PBX1: variants seen among roughly 807,000 people sequenced by gnomAD.
PBX1 encodes the protein pre-B-cell leukemia transcription factor 1.
Under a neutral mutation model 53.4 loss-of-function variants are expected in PBX1, and 6 were observed. That is an observed-to-expected ratio of 0.11 (90% CI 0.06 to 0.22). The LOEUF (loss-of-function observed/expected upper bound fraction) is 0.22. PBX1 is among the 10% of genes least tolerant of loss of function. The pLI, the probability that PBX1 is intolerant of heterozygous loss-of-function variation, is 1.00. For synonymous variants in PBX1, 204 were observed against 212.3 expected (o/e 0.96, Z 0.34); for missense variants, 251 against 551.4 (o/e 0.46, Z 5.46).
chr1:164,884,440 G>T, intron 2 of PBX1: 1 of 352,070 alleles, frequency 2.8e-6, no homozygotes, highest in Non-Finnish European at 5.6e-6. Context: ...AATAAAAACT[G>T]AAATCGGTCA....
intron 2 of PBX1, among the ~76,000 whole-genome samples, chr1:164,663,406 T>C (rs965077364): frequency 3.9e-5 from 6 of 152,118 alleles, no homozygotes; most frequent in Admixed American, 2.0e-4. Context: ...CTTAGTAGGA[T>C]TGCTTCTCCC....
intron 2 of PBX1, among the ~76,000 whole-genome samples, chr1:164,618,028 C>T (rs1195173571): frequency 2.0e-5 from 3 of 152,174 alleles, no homozygotes. Flanking sequence ...GCCTATGCTG[C>T]CTCCCAGTGG....
At chr1:164,881,385 GAA>G (rs1375340875) in intron 2 of PBX1, among the ~76,000 whole-genome samples, 2 of 28,290 alleles carry the variant, frequency 7.1e-5, no homozygotes, top group Admixed American at 1.1e-3. Context: ...AGGAAGGAAG[GAA>G]GGAAGGAAGG....
At chr1:164,875,376 C>G (rs1212052505) in intron 2 of PBX1, among the ~76,000 whole-genome samples, 2 of 152,114 alleles carry the variant, frequency 1.3e-5, no homozygotes, top group Non-Finnish European at 2.9e-5. Flanking sequence ...GATCATAGTT[C>G]ACTGCAACCT....
chr1:164,821,116 C>G (rs1553250874), intron 7 of PBX1, among the ~76,000 whole-genome samples: 1 of 152,128 alleles, frequency 6.6e-6, no homozygotes. Flanking sequence ...AGATGGCTGC[C>G]CAAACCTCCT....
Position 164,646,531 on chromosome 1 carries a change from A to C in PBX1, c.265+83220A>C, listed in dbSNP as rs563558133. On this transcript the variant is annotated intron_variant, in intron 2 of 8. Coordinates refer to ENST00000420696, the MANE Select transcript of PBX1 (RefSeq NM_002585.4). The stretch of plus-strand genomic sequence containing the variant: ...ATGCTTCTGATGGGGAGATATGGCC[A>C]AACCGACCCCTTACTTCTAATTGTG... Among the ~76,000 whole-genome samples, 7 of 152,276 alleles carry C rather than the reference A, an allele frequency of 4.6e-5. No homozygotes were observed. In the South Asian group the frequency reaches 1.5e-3, roughly 32 times the overall value.
intron 2 of PBX1, among the ~76,000 whole-genome samples, chr1:164,874,575 A>G (rs1411852870): frequency 1.3e-5 from 2 of 152,042 alleles, no homozygotes; most frequent in Non-Finnish European, 2.9e-5. Context: ...ACTCACTGCA[A>G]TCTCCGCCTC....
chr1:164,725,114 C>A (rs146131010), intron 2 of PBX1, among the ~76,000 whole-genome samples: 1 of 152,098 alleles, frequency 6.6e-6, no homozygotes, highest in African/African-American at 2.4e-5. Context: ...CCACCCCCTT[C>A]CTGCATCCAG....
chr1:164,726,049 A>G (rs1338969297), intron 2 of PBX1, among the ~76,000 whole-genome samples: 1 of 152,194 alleles, frequency 6.6e-6, no homozygotes, highest in Non-Finnish European at 1.5e-5. Flanking sequence ...TTACTGGAAA[A>G]GTGTTATACT....
intron 2 of PBX1, among the ~76,000 whole-genome samples, chr1:164,875,988 G>GTATGTATATATATATATATA (rs1553256088): frequency 7.6e-4 from 43 of 56,936 alleles, no homozygotes; most frequent in East Asian, 4.6e-3. Context: ...TGGTGTATGT[G>GTATGTATATATATATATATA]TATATATATA....
intron 2 of PBX1, chr1:164,680,602 A>G (rs1216906184): frequency 6.6e-6 from 1 of 152,240 alleles, no homozygotes; most frequent in Admixed American, 6.5e-5. Flanking sequence ...TCACAGAATC[A>G]TAAATTCTTC....
intron 2 of PBX1, among the ~76,000 whole-genome samples, chr1:164,687,621 C>T (rs1388681997): frequency 6.8e-6 from 1 of 147,642 alleles, no homozygotes; most frequent in African/African-American, 2.5e-5. Context: ...TCCACTTGTA[C>T]TGGTGTTGAC....
At chr1:164,870,250 CTT>C (rs1356956841) in intron 2 of PBX1, among the ~76,000 whole-genome samples, 8 of 62,468 alleles carry the variant, frequency 1.3e-4, no homozygotes, top group African/African-American at 4.1e-4. Flanking sequence ...TCCTTCCTTC[CTT>C]CCTTCCTTCC....
chr1:164,862,717 C>T (rs1672129129), intron 2 of PBX1, among the ~76,000 whole-genome samples: 1 of 152,140 alleles, frequency 6.6e-6, no homozygotes, highest in African/African-American at 2.4e-5. Context: ...CCCCACAGCT[C>T]CCCTTGGCTA....
At chr1:164,623,767 ACT>A (rs1343137145) in intron 2 of PBX1, among the ~76,000 whole-genome samples, 1 of 151,972 alleles carries the variant, frequency 6.6e-6, no homozygotes, top group Non-Finnish European at 1.5e-5. Flanking sequence ...ACGTTAACAA[ACT>A]CGAGTCGTGC....
At chr1:164,684,093 C>T (rs1240475447) in intron 2 of PBX1, 2 of 152,182 alleles carry the variant, frequency 1.3e-5, no homozygotes, top group African/African-American at 4.8e-5. Context: ...ACTGGGATTA[C>T]AAGCATGAGC....
intron 2 of PBX1, among the ~76,000 whole-genome samples, chr1:164,648,607 G>T (rs530498551): frequency 6.6e-6 from 1 of 152,266 alleles, no homozygotes; most frequent in South Asian, 2.1e-4. Flanking sequence ...AAATAGTAGA[G>T]AAGGGGATCA....
chr1:164,607,622 A>C (rs752915116), intron 2 of PBX1, among the ~76,000 whole-genome samples: 1 of 152,186 alleles, frequency 6.6e-6, no homozygotes, highest in Non-Finnish European at 1.5e-5. Flanking sequence ...CTAGAGACAT[A>C]AATTTGGATA....
chr1:164,563,125 T>G, intron 1 of PBX1, 113 bp from the exon 2 acceptor site: 1 of 646,626 alleles, frequency 1.5e-6, no homozygotes, highest in Non-Finnish European at 2.8e-6. Flanking sequence ...TGCCACAGAG[T>G]TAGGGTTGGG....
Sources: allele counts gnomAD v4.1 joint callset (sites outside exome capture counted in the v4.1 genomes callset), GRCh38; gene constraint gnomAD v4.1.1; transcripts MANE v1.5; gene names NCBI Gene and HGNC (gene_info 2026-07-23, HGNC 2026-07-21).